RNF130: variants seen among roughly 807,000 people sequenced by gnomAD.
The protein encoded by RNF130 is E3 ubiquitin-protein ligase RNF130.
In RNF130, 21 loss-of-function variants were observed where a neutral mutation model predicts 44.6. The observed-to-expected ratio is 0.47, with a 90% CI of 0.33 to 0.68. The LOEUF (loss-of-function observed/expected upper bound fraction) is 0.68. Ranked by LOEUF, RNF130 falls within the 30% of genes least tolerant of loss-of-function variation. RNF130 has a pLI of 0.02. For synonymous variants in RNF130, 214 were observed against 210.4 expected, an observed-to-expected ratio of 1.02 and a Z score of -0.15; for missense variants, 479 against 560.6, an observed-to-expected ratio of 0.85 and a Z score of 1.47.
intron 7 of RNF130, among the ~76,000 whole-genome samples, chr5:179,947,047 A>G (rs1762053022): frequency 6.6e-6 from 1 of 152,204 alleles, no homozygotes; most frequent in Non-Finnish European, 1.5e-5. Context: ...GCACAAGTGC[A>G]CACTGACGCA....
chr5:179,994,430 C>T (rs1449792480), intron 3 of RNF130, among the ~76,000 whole-genome samples: 1 of 152,156 alleles, frequency 6.6e-6, no homozygotes, highest in Admixed American at 6.5e-5. Context: ...TCCTTCATCC[C>T]TTGTAAGTTG....
chr5:180,044,603 G>A (rs1764512755), intron 1 of RNF130, among the ~76,000 whole-genome samples: 1 of 152,188 alleles, frequency 6.6e-6, no homozygotes, highest in South Asian at 2.1e-4. Flanking sequence ...GGAGGCCGAA[G>A]TGGACAGATC....
intron 2 of RNF130, among the ~76,000 whole-genome samples, chr5:180,037,603 A>G (rs1009209025): frequency 1.3e-5 from 2 of 152,196 alleles, no homozygotes; most frequent in Admixed American, 6.5e-5. Context: ...TTAATAATAC[A>G]GGCTCTTGGG....
chr5:180,027,230 C>A (rs538238769), intron 2 of RNF130, among the ~76,000 whole-genome samples: 26 of 152,170 alleles, frequency 1.7e-4, no homozygotes, highest in African/African-American at 6.3e-4. Context: ...CAGTGTCTTT[C>A]CAATTAGCTT....
At chr5:179,951,574 G>A (rs537472032), downstream of RNF130, among the ~76,000 whole-genome samples, 2 of 152,100 alleles carry the variant, frequency 1.3e-5, no homozygotes, top group South Asian at 2.1e-4. Context: ...TAGTAGAGAC[G>A]GGGTTTCACC....
chr5:179,981,704 T>C (rs1334056932), intron 3 of RNF130, among the ~76,000 whole-genome samples: 1 of 152,196 alleles, frequency 6.6e-6, no homozygotes, highest in East Asian at 1.9e-4. Flanking sequence ...TTAATCAACA[T>C]TATCCAATAC....
chr5:180,055,273 A>C (rs1156299265), intron 1 of RNF130, among the ~76,000 whole-genome samples: 13 of 17,730 alleles, frequency 7.3e-4, no homozygotes, highest in African/African-American at 4.1e-4. Context: ...AAAAAAAAAA[A>C]AAAAAAACAA....
chr5:179,922,433 C>T (rs943288738), intron 7 of RNF130, among the ~76,000 whole-genome samples: 2 of 152,054 alleles, frequency 1.3e-5, no homozygotes, highest in Non-Finnish European at 2.9e-5. Context: ...GTGCCTCAGC[C>T]TCCTAAGTAG....
intron 1 of RNF130, among the ~76,000 whole-genome samples, chr5:180,042,092 G>T (rs1156561617): frequency 6.6e-6 from 1 of 152,144 alleles, no homozygotes; most frequent in Non-Finnish European, 1.5e-5. Flanking sequence ...ATAAAGAGAT[G>T]ACGCCAGTGG....
chr5:179,983,359 TG>T (rs1311215823), intron 3 of RNF130, among the ~76,000 whole-genome samples: 2 of 149,488 alleles, frequency 1.3e-5, no homozygotes, highest in Non-Finnish European at 3.0e-5. Context: ...TTTTTGCATA[TG>T]GACATACAAT....
chr5:179,998,335 C>A (rs924837581), intron 3 of RNF130, among the ~76,000 whole-genome samples: 1 of 152,306 alleles, frequency 6.6e-6, no homozygotes, highest in African/African-American at 2.4e-5. Flanking sequence ...CATTGACCCA[C>A]TGGTTGTTTA....
chr5:179,960,066 T>C lies in RNF130; in HGVS notation c.1244+3405A>G, dbSNP rs528429962. 3.9e-5 allele frequency among the ~76,000 whole-genome samples: 6 copies of C among 152,296 alleles called. No individual in the cohort carries two copies. The East Asian group carries it at 9.6e-4, about 24-fold the overall frequency. ...TCCTCAAATAAAAATAATAAAAATA[T>C]TTATTTTTCTTATTTTGAGGGAAAA... On this transcript the variant is annotated intron_variant, in intron 8 of 8. Coordinates refer to ENST00000521389, the MANE Select transcript of RNF130 (RefSeq NM_018434.6).
chr5:179,938,712 A>G (rs1242247149), intron 7 of RNF130, among the ~76,000 whole-genome samples: 1 of 152,188 alleles, frequency 6.6e-6, no homozygotes, highest in Non-Finnish European at 1.5e-5. Flanking sequence ...AACATCCTTA[A>G]TTTATATTAA....
At chr5:179,921,208 C>T (rs1761627493) in intron 7 of RNF130, among the ~76,000 whole-genome samples, 1 of 152,112 alleles carries the variant, frequency 6.6e-6, no homozygotes, top group Non-Finnish European at 1.5e-5. Context: ...ACACCGACAC[C>T]ACCATCAAGA....
chr5:179,932,622 G>C (rs761133344), intron 7 of RNF130, among the ~76,000 whole-genome samples: 12 of 151,886 alleles, frequency 7.9e-5, no homozygotes, highest in Admixed American at 2.0e-4. Flanking sequence ...TGGATCACCT[G>C]AGGTCAGGAG....
At chr5:180,058,304 A>G (rs1407475085) in intron 1 of RNF130, among the ~76,000 whole-genome samples, 1 of 152,170 alleles carries the variant, frequency 6.6e-6, no homozygotes. Context: ...TTTTCAGTGT[A>G]TGTTACAGCT....
intron 2 of RNF130, among the ~76,000 whole-genome samples, chr5:180,019,468 A>G (rs549217780): frequency 2.6e-4 from 40 of 151,924 alleles, no homozygotes; most frequent in African/African-American, 7.7e-4. Context: ...CAAGCTGCAC[A>G]TGGGGCAGAG....
At chr5:179,978,539 G>T (rs903044322) in intron 4 of RNF130, among the ~76,000 whole-genome samples, 1 of 152,014 alleles carries the variant, frequency 6.6e-6, no homozygotes, top group African/African-American at 2.4e-5. Context: ...AAATTAAGTC[G>T]GAATTCTAAT....
chr5:179,970,647 G>C, intron 5 of RNF130, 141 bp from the exon 6 acceptor site: 1 of 642,996 alleles, frequency 1.6e-6, no homozygotes, highest in South Asian at 2.2e-5. Flanking sequence ...CAAATATTGG[G>C]AATTTATTAA....
Sources: gnomAD v4.1 joint callset for allele counts (sites outside exome capture counted in the v4.1 genomes callset) on GRCh38, gnomAD v4.1.1 for gene constraint, MANE v1.5 for transcripts, NCBI Gene and HGNC (gene_info 2026-07-23, HGNC 2026-07-21) for gene names.